The following CES5A variants were observed in gnomAD, a reference collection of about 807,000 sequenced individuals.
CES5A encodes carboxylesterase 5.
In CES5A, 67 loss-of-function variants were observed where a neutral mutation model predicts 62.9. That is an observed-to-expected ratio of 1.07 (90% CI 0.88 to 1.31). CES5A has a LOEUF of 1.31. Among genes scored for constraint, CES5A ranks in the 50% most tolerant of loss-of-function variants. CES5A has a pLI of 0.00. For missense variants in CES5A, 748 were observed against 708.5 expected (o/e 1.06, Z -0.63); for synonymous variants, 296 against 280.8 (o/e 1.05, Z -0.54).
At chr16:55,870,802 A>T (rs1369302761) in intron 3 of CES5A, among the ~76,000 whole-genome samples, 2 of 152,308 alleles carry the variant, frequency 1.3e-5, no homozygotes, top group East Asian at 3.9e-4. Context: ...TTAATAACAA[A>T]TCCCTTCCAT....
intron 1 of CES5A, among the ~76,000 whole-genome samples, chr16:55,892,851 G>A (rs1242082165): frequency 1.3e-5 from 2 of 152,116 alleles, no homozygotes; most frequent in African/African-American, 4.8e-5. Context: ...AATGAGTACA[G>A]ATAAATATAT....
chr16:55,899,182 C>T (rs1688572969), intron 1 of CES5A, among the ~76,000 whole-genome samples: 2 of 152,120 alleles, frequency 1.3e-5, no homozygotes, highest in South Asian at 2.1e-4. Context: ...TCTCAAAGGT[C>T]CTGAATGTCC....
intron 2 of CES5A, among the ~76,000 whole-genome samples, chr16:55,940,691 C>T (rs1052266790): frequency 6.6e-6 from 1 of 151,510 alleles, no homozygotes; most frequent in Non-Finnish European, 1.5e-5. Flanking sequence ...AGCCTGTATA[C>T]CAAAAACATA....
At chr16:55,851,742 T>C (rs1389010516) in intron 10 of CES5A, among the ~76,000 whole-genome samples, 2 of 151,824 alleles carry the variant, frequency 1.3e-5, no homozygotes, top group Non-Finnish European at 2.9e-5. Flanking sequence ...ATGTAGCCAA[T>C]AGCCAATTGT....
At chr16:55,884,124 C>T (rs1402215255) in intron 1 of CES5A, among the ~76,000 whole-genome samples, 4 of 152,178 alleles carry the variant, frequency 2.6e-5, no homozygotes, top group East Asian at 3.8e-4. Context: ...TGCAATTGTG[C>T]GAAGTCCTTC....
chr16:55,949,799 G>A, exon 2 of CES5A: 1 of 1,483,364 alleles, frequency 6.7e-7, no homozygotes, highest in Non-Finnish European at 9.0e-7. Flanking sequence ...ATCTTTGGAA[G>A]TGTAGTTTAA....
intron 2 of CES5A, among the ~76,000 whole-genome samples, chr16:55,946,239 C>T (rs2034493742): frequency 6.6e-6 from 1 of 152,126 alleles, no homozygotes; most frequent in Non-Finnish European, 1.5e-5. Context: ...GTAATGTTCA[C>T]TGTCAGAATA....
rs2033007665 is a variant in CES5A at position 55,846,383 on chromosome 16, A to G, written c.*68T>C. On this transcript the variant is annotated 3_prime_UTR_variant, in exon 13 of 13. Transcript: ENST00000290567. ...CCATAGAAAGCAGCTGAGCTCAGAAAGAAGCTAATGATTGCGGGAGAAATT... is the reference window on the plus strand; with the variant it reads ...CCATAGAAAGCAGCTGAGCTCAGAAGGAAGCTAATGATTGCGGGAGAAATT... The G allele has an allele frequency of 3.2e-6, 4 of 1,238,330 alleles. No homozygotes were observed. The East Asian group carries it at 9.3e-5, about 29-fold the overall frequency. 76.7% of individuals were successfully genotyped at this position (1,238,330 alleles called of 1,614,324 possible). A position where few individuals can be genotyped will look rare whatever the true frequency, so the allele number is the denominator to read the frequency against.
intron 1 of CES5A, among the ~76,000 whole-genome samples, chr16:55,922,188 T>TA (rs2034212356): frequency 1.3e-5 from 2 of 151,952 alleles, no homozygotes; most frequent in South Asian, 4.1e-4. Context: ...CCTTACTTAA[T>TA]AATAACACTG....
chr16:55,948,058 AAAAAAAG>A (rs771887258), intron 2 of CES5A, among the ~76,000 whole-genome samples: 5 of 152,154 alleles, frequency 3.3e-5, no homozygotes, highest in Non-Finnish European at 7.3e-5. Context: ...TATAAACCAA[AAAAAAAG>A]AAAAAAGAAA....
At chr16:55,860,580 G>T in intron 7 of CES5A, among the ~76,000 whole-genome samples, 1 of 152,182 alleles carries the variant, frequency 6.6e-6, no homozygotes, top group South Asian at 2.1e-4. Flanking sequence ...GACTGTAGGG[G>T]TTGTAGGAGA....
In CES5A at chr16:55,854,013, G is replaced by A. The variant is rs144277240; in HGVS notation, c.1126-985C>T. Among the ~76,000 whole-genome samples, 152 of 152,240 alleles carry A rather than the reference G, an allele frequency of 1.0e-3. 1 individual carries two copies. The highest frequency in any genetic ancestry group is 6.9e-3 in the Admixed American group (105 of 15,286). On this transcript the variant is annotated intron_variant, in intron 9 of 12. Transcript: ENST00000290567. ...TTTTTAATCAGGCCAGAGCAAGGGA[G>A]GCCTCTGCAGTAGGTCCAGTCTATG...
At chr16:55,943,513 T>C (rs2034465412) in intron 2 of CES5A, among the ~76,000 whole-genome samples, 1 of 152,220 alleles carries the variant, frequency 6.6e-6, no homozygotes, top group Non-Finnish European at 1.5e-5. Flanking sequence ...GCTTCCTCAA[T>C]TCTCACCACA....
chr16:55,860,553 G>T (rs1328907796), intron 7 of CES5A, among the ~76,000 whole-genome samples: 1 of 152,188 alleles, frequency 6.6e-6, no homozygotes, highest in Non-Finnish European at 1.5e-5. Flanking sequence ...AAAAATGGTG[G>T]TAGATGAAGT....
intron 1 of CES5A, among the ~76,000 whole-genome samples, chr16:55,950,223 G>A (rs1188213683): frequency 1.3e-5 from 2 of 152,254 alleles, no homozygotes; most frequent in East Asian, 3.9e-4. Context: ...AGGATGATTG[G>A]TTGGGGTTCT....
chr16:55,899,217 C>A (rs2033964753), intron 1 of CES5A, among the ~76,000 whole-genome samples: 1 of 152,176 alleles, frequency 6.6e-6, no homozygotes, highest in Non-Finnish European at 1.5e-5. Context: ...ATGGGGAGAG[C>A]AGCTCTGATT....
intron 2 of CES5A, among the ~76,000 whole-genome samples, chr16:55,946,119 T>C (rs149938570): frequency 6.6e-6 from 1 of 152,332 alleles, no homozygotes; most frequent in Non-Finnish European, 1.5e-5. Context: ...AATCTTTTCA[T>C]CGGGTTAGAA....
chr16:55,909,670 G>A (rs922808621), intron 1 of CES5A, among the ~76,000 whole-genome samples: 9 of 152,188 alleles, frequency 5.9e-5, no homozygotes, highest in African/African-American at 9.6e-5. Flanking sequence ...AAAGGGGCCA[G>A]TGGCTAAAGT....
chr16:55,923,984 C>T (rs2034234493), intron 1 of CES5A, among the ~76,000 whole-genome samples: 1 of 151,828 alleles, frequency 6.6e-6, no homozygotes, highest in Non-Finnish European at 1.5e-5. Context: ...CAATTAAAGG[C>T]CTTTTCCCTA....
Sources: allele counts gnomAD v4.1 joint callset (sites outside exome capture counted in the v4.1 genomes callset), GRCh38; gene constraint gnomAD v4.1.1; transcripts MANE v1.5; gene names NCBI Gene and HGNC (gene_info 2026-07-23, HGNC 2026-07-21).